RPS6KL1: variants seen among roughly 807,000 people sequenced by gnomAD.
RPS6KL1 encodes ribosomal protein S6 kinase-like 1.
Under a neutral mutation model 57.0 loss-of-function variants are expected in RPS6KL1, and 41 were observed. The observed-to-expected ratio is 0.72, with a 90% confidence interval of 0.56 to 0.93. The LOEUF (loss-of-function observed/expected upper bound fraction) is 0.93. Ranked by LOEUF, RPS6KL1 falls within the 40% of genes least tolerant of loss-of-function variation. The probability of loss-of-function intolerance (pLI) is 0.00; values close to 1 mark genes in which losing one functional copy is unlikely to be tolerated. For synonymous variants in RPS6KL1, 287 were observed against 309.7 expected (o/e 0.93, Z 0.77); for missense variants, 697 against 727.7 (o/e 0.96, Z 0.49).
chr14:74,907,151 G>C (rs1047348846), intron 11 of RPS6KL1, 27 bp from the exon 12 acceptor site: 13 of 1,571,924 alleles, frequency 8.3e-6, no homozygotes, highest in Non-Finnish European at 1.1e-5. Flanking sequence ...AGTCAGCTGG[G>C]CCACTCCAGC....
intron 10 of RPS6KL1, 123 bp downstream of exon 10, chr14:74,908,727 G>T: frequency 1.2e-6 from 1 of 821,894 alleles, no homozygotes; most frequent in Non-Finnish European, 2.1e-6. Flanking sequence ...CCTGGCTTCG[G>T]GGGCAGTTGT....
At chr14:74,918,113 TTA>T (rs377307001) in intron 5 of RPS6KL1, among the ~76,000 whole-genome samples, 954 of 70,894 alleles carry the variant, frequency 0.013, 9 homozygotes, top group African/African-American at 0.053. Flanking sequence ...TTATTTTATT[TTA>T]TATTTTATTT....
Position 74,909,386 on chromosome 14 carries a change from G to A in RPS6KL1, c.1270+157C>T, listed in dbSNP as rs927118585. ...CAGAGCCCACAGGGTACTCCCAGGA[G>A]CCTCGGCCAACAGACTCCAGCCTAG... On this transcript the variant is annotated intron_variant, in intron 8 of 11. Transcript: ENST00000557413. The A allele has an allele frequency of 8.3e-6, 9 of 1,089,868 alleles. 1 individual carries two copies. In the Middle Eastern group the frequency reaches 1.8e-3, roughly 220 times the overall value. 67.5% of individuals were successfully genotyped at this position (1,089,868 alleles called of 1,614,324 possible). A position where few individuals can be genotyped will look rare whatever the true frequency, so the allele number is the denominator to read the frequency against.
chr14:74,909,573 G>A lies in RPS6KL1; in HGVS notation c.1240C>T (p.His414Tyr), dbSNP rs752187949. ...HEQGVLCRDL[H>Y]PGNLLLDQAG... The stretch of plus-strand genomic sequence containing the variant: ...TGGTCCAGGAGCAGGTTCCCGGGGT[G>A]GAGGTCCCGGCACAGCACCCCCTGC... The change falls in exon 8 of 12, where the codon CAC becomes TAC. Residue 414 changes from histidine to tyrosine, a missense_variant. Coordinates refer to ENST00000557413, the MANE Select transcript of RPS6KL1 (RefSeq NM_031464.5). The A allele has an allele frequency of 6.2e-7, 1 of 1,610,118 alleles. No individual in the cohort carries two copies. Among genetic ancestry groups the A allele is most frequent in the Non-Finnish European group, 8.5e-7 (1 of 1,178,328 alleles).
chr14:74,907,835 G>A (rs920032023), intron 10 of RPS6KL1, among the ~76,000 whole-genome samples: 6 of 152,202 alleles, frequency 3.9e-5, no homozygotes, highest in African/African-American at 1.4e-4. Context: ...GCACTCTTGG[G>A]AATAGTGATG....
chr14:74,904,627 C>CT lies in RPS6KL1; in HGVS notation c.*2386dup, dbSNP rs1423356241. 1 of 152,240 alleles carries CT rather than the reference C, an allele frequency of 6.6e-6. No individual in the cohort carries two copies. Among genetic ancestry groups the CT allele is most frequent in the Non-Finnish European group, 1.5e-5 (1 of 68,042 alleles). 9.4% of individuals were successfully genotyped at this position (152,240 alleles called of 1,614,324 possible). On this transcript the variant is annotated 3_prime_UTR_variant, in exon 12 of 12. Coordinates refer to ENST00000557413, the MANE Select transcript of RPS6KL1 (RefSeq NM_031464.5). ...AGAATAGAGAATTTGGGGTCACCAT[C>CT]TTTGTGAAGCCCTTTCAAAACACCA...
chr14:74,920,068 T>C, intron 3 of RPS6KL1, 99 bp from the exon 4 acceptor site: 1 of 1,484,406 alleles, frequency 6.7e-7, no homozygotes, highest in Non-Finnish European at 9.3e-7. Flanking sequence ...AGGAGTGAGC[T>C]CCTGTTTCTA....
rs1163454179 is a variant in RPS6KL1 at position 74,906,523 on chromosome 14, G to A, written c.*491C>T. 9 of 509,270 alleles carry A rather than the reference G, an allele frequency of 1.8e-5. No homozygotes were observed. Among genetic ancestry groups the A allele is most frequent in the Non-Finnish European group, 3.2e-5 (8 of 247,128 alleles). 31.5% of individuals were successfully genotyped at this position (509,270 alleles called of 1,614,324 possible). A position where few individuals can be genotyped will look rare whatever the true frequency, so the allele number is the denominator to read the frequency against. ...GCACGAACAGCTTCTGGTGGAAGAG[G>A]CCTACTCGCTGTGTGACTAAGAGGA... On this transcript the variant is annotated 3_prime_UTR_variant, in exon 12 of 12. Transcript: ENST00000557413.
At chr14:74,913,402 C>G (rs1479371114) in intron 5 of RPS6KL1, among the ~76,000 whole-genome samples, 2 of 152,080 alleles carry the variant, frequency 1.3e-5, no homozygotes, top group Non-Finnish European at 2.9e-5. Context: ...ACTAAAAATA[C>G]AAAAATTAGC....
chr14:74,904,775 A>G lies in RPS6KL1; in HGVS notation c.*2239T>C, dbSNP rs989801625. 4 of 152,238 alleles carry G rather than the reference A, an allele frequency of 2.6e-5. 1 individual carries two copies. In the South Asian group the frequency reaches 6.2e-4, roughly 24 times the overall value. 9.4% of individuals were successfully genotyped at this position (152,238 alleles called of 1,614,324 possible). ...ACCAAGATGCTCAAGGTCAATACAC[A>G]TGAACAGGTGAGGGTTGATGACCTA... On this transcript the variant is annotated 3_prime_UTR_variant, in exon 12 of 12. Transcript: ENST00000557413.
In RPS6KL1 at chr14:74,907,544, G is replaced by C. The variant is rs1249128270; in HGVS notation, c.1444-14C>G. The C allele has an allele frequency of 1.3e-6, 2 of 1,559,816 alleles. No individual in the cohort carries two copies. The highest frequency in any genetic ancestry group is 1.9e-5 in the Admixed American group (1 of 52,304). ...CTGGGACAGTGCCTGGGAGGACACAGGGAAGGGCCTCTGAGGAGGCAACCC... is the reference window on the plus strand; with the variant it reads ...CTGGGACAGTGCCTGGGAGGACACACGGAAGGGCCTCTGAGGAGGCAACCC... On this transcript the variant is annotated splice_polypyrimidine_tract_variant and intron_variant, in intron 10 of 11. Coordinates refer to ENST00000557413, the MANE Select transcript of RPS6KL1 (RefSeq NM_031464.5).
chr14:74,922,460 C>G lies in RPS6KL1; in HGVS notation c.-503G>C. 2.3e-6 allele frequency: 1 copy of G among 431,738 alleles called. No individual in the cohort carries two copies. The highest frequency in any genetic ancestry group is 3.1e-6 in the Non-Finnish European group (1 of 323,090). 26.7% of individuals were successfully genotyped at this position (431,738 alleles called of 1,614,324 possible). A position where few individuals can be genotyped will look rare whatever the true frequency, so the allele number is the denominator to read the frequency against. On this transcript the variant is annotated 5_prime_UTR_variant, in exon 2 of 12. Transcript: ENST00000557413. ...GACCCCTCCTGGAGCCAGCAGAGAG[C>G]AGAGCACAGAGCTGGGCTGTAAGAA...
At position 74,906,334 on chromosome 14, in the gene RPS6KL1, CTTA is replaced by C. The variant is rs1378153692; in HGVS notation, c.*677_*679del. ...TGCATTCCTTCCTCCCCCCATTACT[CTTA>C]TTTTCTTCCCCTCCCTTTTGCTCTC... On this transcript the variant is annotated 3_prime_UTR_variant, in exon 12 of 12. Coordinates refer to ENST00000557413, the MANE Select transcript of RPS6KL1 (RefSeq NM_031464.5). 1 of 342,768 alleles carries C rather than the reference CTTA, an allele frequency of 2.9e-6. No homozygotes were observed. Among genetic ancestry groups the C allele is most frequent in the East Asian group, 7.6e-5 (1 of 13,110 alleles). The allele number at this position is 342,768 out of a possible 1,614,324, so 21.2% of individuals were successfully genotyped here. A position where few individuals can be genotyped will look rare whatever the true frequency, so the allele number is the denominator to read the frequency against.
Position 74,905,438 on chromosome 14 carries a change from C to T in RPS6KL1, c.*1576G>A, listed in dbSNP as rs1884621015. 1 of 152,228 alleles carries T rather than the reference C, an allele frequency of 6.6e-6. No individual in the cohort carries two copies. Among genetic ancestry groups the T allele is most frequent in the South Asian group, 2.1e-4 (1 of 4,822 alleles). 9.4% of individuals were successfully genotyped at this position (152,228 alleles called of 1,614,324 possible). A position where few individuals can be genotyped will look rare whatever the true frequency, so the allele number is the denominator to read the frequency against. On this transcript the variant is annotated 3_prime_UTR_variant, in exon 12 of 12. Transcript: ENST00000557413. ...CCATGAGCCTCTTCCAAGGCTTCTT[C>T]ATCCTCTTCCCCACAGAACCTGGTC... is the stretch of plus-strand genomic sequence containing the variant.
chr14:74,921,663 C>T, intron 2 of RPS6KL1, 102 bp from the exon 3 acceptor site: 1 of 1,475,140 alleles, frequency 6.8e-7, no homozygotes, highest in Non-Finnish European at 9.0e-7. Flanking sequence ...ATATTCACCT[C>T]CAAAGACTGA....
At chr14:74,907,642 T>C (rs1291401249) in intron 10 of RPS6KL1, 112 bp from the exon 11 acceptor site, 2 of 965,886 alleles carry the variant, frequency 2.1e-6, no homozygotes, top group East Asian at 2.7e-5. Flanking sequence ...AGGATGACAA[T>C]AATGATAGTT....
At position 74,909,897 on chromosome 14, in the gene RPS6KL1, G is replaced by C; in HGVS notation, c.916C>G (p.Pro306Ala). The change falls in exon 8 of 12, where the codon CCC becomes GCC. Residue 306 changes from proline to alanine, a missense_variant. Coordinates refer to ENST00000557413, the MANE Select transcript of RPS6KL1 (RefSeq NM_031464.5). Reference sequence around the variant, plus strand: ...CCAGAGGTGCTGGTCCTGGCTGTGGGTTCACCTTCAGCCTCCCTCTGGGGT... The same window carrying C: ...CCAGAGGTGCTGGTCCTGGCTGTGGCTTCACCTTCAGCCTCCCTCTGGGGT... ...TRPQREAEGE[P>A]TARTSTSGSS... 6.2e-7 allele frequency: 1 copy of C among 1,614,076 alleles called. No homozygotes were observed. The highest frequency in any genetic ancestry group is 1.1e-5 in the South Asian group (1 of 91,072).
intron 5 of RPS6KL1, 74 bp downstream of exon 5, chr14:74,918,439 T>C: frequency 9.2e-7 from 1 of 1,090,142 alleles, no homozygotes; most frequent in Non-Finnish European, 1.3e-6. Context: ...CAGCATATCA[T>C]GTCTCTCTCC....
intron 3 of RPS6KL1, 22 bp from the exon 4 acceptor site, chr14:74,919,991 A>T (rs746568600): frequency 6.2e-7 from 1 of 1,613,940 alleles, no homozygotes; most frequent in East Asian, 2.2e-5. Context: ...AAGAGTCACC[A>T]GGGTCCCCAG....
Sources: gnomAD v4.1 joint callset for allele counts (sites outside exome capture counted in the v4.1 genomes callset) on GRCh38, gnomAD v4.1.1 for gene constraint, MANE v1.5 for transcripts, NCBI Gene and HGNC (gene_info 2026-07-23, HGNC 2026-07-21) for gene names.